The following IFIT5 variants were observed in gnomAD, a reference collection of about 807,000 sequenced individuals.
The protein encoded by IFIT5 is interferon induced protein with tetratricopeptide repeats 5.
In IFIT5, 2 loss-of-function variants were observed where a neutral mutation model predicts 5.0. The ratio of observed to expected loss-of-function variants is 0.40; its 90% confidence interval spans 0.16 to 1.26. IFIT5 has a LOEUF of 1.26. IFIT5 is among the 50% of genes most tolerant of loss of function. The pLI, the probability that IFIT5 is intolerant of heterozygous loss-of-function variation, is 0.33. For synonymous variants in IFIT5, 206 were observed against 204.6 expected (o/e 1.01, Z -0.06); for missense variants, 524 against 563.2 (o/e 0.93, Z 0.70).
intron 1 of IFIT5, among the ~76,000 whole-genome samples, chr10:89,415,913 T>C (rs1841531727): frequency 6.6e-6 from 1 of 152,244 alleles, no homozygotes; most frequent in African/African-American, 2.4e-5. Context: ...AAAGTTTAAG[T>C]GCCACCCACA....
chr10:89,418,617 C>T lies in IFIT5; in HGVS notation c.1418C>T (p.Thr473Ile), dbSNP rs1452911313. 1 of 1,613,550 alleles carries T rather than the reference C, an allele frequency of 6.2e-7. No homozygotes were observed. Among genetic ancestry groups the T allele is most frequent in the South Asian group, 1.1e-5 (1 of 91,048 alleles). Residue 473 changes from threonine to isoleucine, a missense_variant, in exon 2 of 2, where the codon ACT becomes ATT. Transcript: ENST00000371795. ...KIDPENAEFL[T>I]ALCELRLSI ...GATCCAGAAAATGCAGAATTCCTGA[C>T]TGCTCTCTGTGAGCTCCGACTTTCC...
rs762242435 is a variant in IFIT5 at position 89,417,598 on chromosome 10, C to T, written c.399C>T (p.Tyr133=). The part of the protein sequence containing the change: ...VCKKLSSPSN[Y]KLECPETDCE... ...AGAAATTGTCCAGTCCTTCTAACTA[C>T]AAGTTGGAGTGTCCTGAGACTGACT... is the stretch of plus-strand genomic sequence containing the variant. The change falls in exon 2 of 2, where the codon TAC becomes TAT. Residue 133 remains tyrosine, a synonymous_variant. Coordinates refer to ENST00000371795, the MANE Select transcript of IFIT5 (RefSeq NM_012420.3). The T allele has an allele frequency of 5.5e-5, 88 of 1,614,046 alleles. No homozygotes were observed. Among genetic ancestry groups the T allele is most frequent in the Admixed American group, 1.3e-4 (8 of 60,010 alleles).
rs1841571876 is a variant in IFIT5, at chr10:89,418,867, T to C, written c.*219T>C. 9.8e-6 allele frequency: 4 copies of C among 408,342 alleles called. No individual in the cohort carries two copies. The highest frequency in any genetic ancestry group is 1.7e-5 in the Non-Finnish European group (4 of 234,452). 25.3% of individuals were successfully genotyped at this position (408,342 alleles called of 1,614,324 possible). A position where few individuals can be genotyped will look rare whatever the true frequency, so the allele number is the denominator to read the frequency against. On this transcript the variant is annotated 3_prime_UTR_variant, in exon 2 of 2. Coordinates refer to ENST00000371795, the MANE Select transcript of IFIT5 (RefSeq NM_012420.3). Reference sequence around the variant, plus strand: ...TTTTTAATTAAAATACTATAATCCATTGAGAAATAGCAATATTCTAGCTAT... The same window carrying C: ...TTTTTAATTAAAATACTATAATCCACTGAGAAATAGCAATATTCTAGCTAT...
In IFIT5 at chr10:89,417,406, C is replaced by T. The variant is rs151205041; in HGVS notation, c.207C>T (p.Asp69=). 3.4e-4 allele frequency: 547 copies of T among 1,614,114 alleles called. 1 individual carries two copies. Among genetic ancestry groups the T allele is most frequent in the Middle Eastern group, 4.9e-4 (3 of 6,062 alleles). Residue 69 remains aspartate (D), a synonymous_variant, in exon 2 of 2, where the codon GAC becomes GAT. Coordinates refer to ENST00000371795, the MANE Select transcript of IFIT5 (RefSeq NM_012420.3). ...YVKHLKGQNK[D]ALECLEQAEE... Reference sequence around the variant, plus strand: ...AACACCTAAAAGGCCAAAATAAAGACGCCCTTGAGTGCTTGGAACAAGCAG... The same window carrying T: ...AACACCTAAAAGGCCAAAATAAAGATGCCCTTGAGTGCTTGGAACAAGCAG...
chr10:89,415,688 G>A (rs1367700072), intron 1 of IFIT5, among the ~76,000 whole-genome samples: 5 of 152,170 alleles, frequency 3.3e-5, no homozygotes, highest in Admixed American at 1.3e-4. Flanking sequence ...TCTAAAAGCA[G>A]ATAGTCCCTT....
rs1841565390 is a variant in IFIT5 at position 89,418,415 on chromosome 10, G to T, written c.1216G>T (p.Val406Phe). The change falls in exon 2 of 2, where the codon GTC (valine) becomes TTC (phenylalanine). Residue 406 changes from valine (V) to phenylalanine (F), a missense_variant. Val to Phe is a conservative substitution (Grantham distance 50). Transcript: ENST00000371795. ...CCATCATTATTTAGAAGCCTTAAAG[G>T]TCAAAGACAGATCACCCCTTCGCAC... ...AIHHYLEALK[V>F]KDRSPLRTKL... 2 of 1,614,158 alleles carry T rather than the reference G, an allele frequency of 1.2e-6. No individual in the cohort carries two copies. The highest frequency in any genetic ancestry group is 1.7e-6 in the Non-Finnish European group (2 of 1,180,020).
Position 89,418,345 on chromosome 10 carries a change from T to G in IFIT5, c.1146T>G (p.Tyr382Ter). 1 of 1,614,210 alleles carries G rather than the reference T, an allele frequency of 6.2e-7. No individual in the cohort carries two copies. Among genetic ancestry groups the G allele is most frequent in the Non-Finnish European group, 8.5e-7 (1 of 1,180,022 alleles). Residue 382 changes from tyrosine (Y) to a stop codon, truncating the protein, a stop_gained, in exon 2 of 2, where the codon TAT (tyrosine) becomes TAG (stop). Coordinates refer to ENST00000371795, the MANE Select transcript of IFIT5 (RefSeq NM_012420.3). LOFTEE classifies it low-confidence loss of function (END_TRUNC). ...ACAAACATCAGATCCATTACCACTATGGCCGCTTTCAGGAATTTCACCGTA... is the reference window on the plus strand; with the variant it reads ...ACAAACATCAGATCCATTACCACTAGGGCCGCTTTCAGGAATTTCACCGTA... ...DDHKHQIHYH[Y>*]GRFQEFHRKS...
Position 89,414,798 on chromosome 10 carries a change from C to T in IFIT5, c.-1C>T, listed in dbSNP as rs981330256. 2 of 1,609,818 alleles carry T rather than the reference C, an allele frequency of 1.2e-6. No individual in the cohort carries two copies. The highest frequency in any genetic ancestry group is 2.7e-5 in the African/African-American group (2 of 74,226). ...CGGACGGCCTGCAGAGCGCTGCCAT[C>T]ATGAGGTAAGGGTTTTCCTTTGCCT... On this transcript the variant is annotated 5_prime_UTR_variant, in exon 1 of 2. Coordinates refer to ENST00000371795, the MANE Select transcript of IFIT5 (RefSeq NM_012420.3).
Position 89,414,657 on chromosome 10 carries a change from G to C in IFIT5, c.-142G>C, listed in dbSNP as rs1030911160. On this transcript the variant is annotated 5_prime_UTR_variant, in exon 1 of 2. Transcript: ENST00000371795. ...CTCCTTTAACAAAGACACGCCGCGC[G>C]GCCGAGTCCAGGGGCTGCAGAGGCC... 3.6e-6 allele frequency: 3 copies of C among 837,226 alleles called. No individual in the cohort carries two copies. The highest frequency in any genetic ancestry group is 5.1e-6 in the Non-Finnish European group (3 of 583,406). 51.9% of individuals were successfully genotyped at this position (837,226 alleles called of 1,614,324 possible).
intron 1 of IFIT5, among the ~76,000 whole-genome samples, chr10:89,416,116 G>A (rs1228124572): frequency 6.6e-6 from 1 of 152,144 alleles, no homozygotes. Context: ...TAGAGACGCG[G>A]GTTTCACCAT....
chr10:89,417,166 T>C (rs777865963), intron 1 of IFIT5, 39 bp from the exon 2 acceptor site: 19 of 1,480,582 alleles, frequency 1.3e-5, no homozygotes, highest in Middle Eastern at 1.9e-4. Flanking sequence ...TTATTTCTTG[T>C]ATTTCTTCAA....
rs1467060856 is a variant in IFIT5 at position 89,418,718 on chromosome 10, A to G, written c.*70A>G. The G allele has an allele frequency of 7.4e-7, 1 of 1,355,732 alleles. No homozygotes were observed. The highest frequency in any genetic ancestry group is 1.5e-5 in the African/African-American group (1 of 65,504). The allele number at this position is 1,355,732 out of a possible 1,614,324, so 84.0% of individuals were successfully genotyped here. A position where few individuals can be genotyped will look rare whatever the true frequency, so the allele number is the denominator to read the frequency against. ...GGGTTCTCCTGTTTGTTTTTTTTTT[A>G]TTATTTTAATCCCTTGTTTATTATA... On this transcript the variant is annotated 3_prime_UTR_variant, in exon 2 of 2. Coordinates refer to ENST00000371795, the MANE Select transcript of IFIT5 (RefSeq NM_012420.3).
chr10:89,414,809 G>A lies in IFIT5; in HGVS notation c.5+6G>A, dbSNP rs12762146. On this transcript the variant is annotated splice_donor_region_variant and intron_variant, in intron 1 of 1. Coordinates refer to ENST00000371795, the MANE Select transcript of IFIT5 (RefSeq NM_012420.3). ...CAGAGCGCTGCCATCATGAGGTAAG[G>A]GTTTTCCTTTGCCTCTCCTCCCAAG... is the stretch of plus-strand genomic sequence containing the variant. 2.5e-6 allele frequency: 4 copies of A among 1,609,976 alleles called. No individual in the cohort carries two copies. In the South Asian group the frequency reaches 4.4e-5, roughly 18 times the overall value.
At chr10:89,415,558 T>C (rs558689775) in intron 1 of IFIT5, among the ~76,000 whole-genome samples, 2 of 152,350 alleles carry the variant, frequency 1.3e-5, no homozygotes, top group African/African-American at 4.8e-5. Context: ...ACTGATTTAG[T>C]ATGATGGCGT....
In IFIT5 at chr10:89,418,516, T is replaced by C; in HGVS notation, c.1317T>C (p.Ser439=). 1 of 1,614,164 alleles carries C rather than the reference T, an allele frequency of 6.2e-7. No individual in the cohort carries two copies. Among genetic ancestry groups the C allele is most frequent in the Non-Finnish European group, 8.5e-7 (1 of 1,180,014 alleles). ...CHNALDVQSL[S]ALGFVYKLEG... The stretch of plus-strand genomic sequence containing the variant: ...ATGCTTTAGATGTGCAGAGTTTAAG[T>C]GCCCTAGGGTTTGTTTACAAGCTGG... Residue 439 remains serine, a synonymous_variant, in exon 2 of 2, where the codon AGT becomes AGC. Transcript: ENST00000371795.
At chr10:89,414,867 CT>C in intron 1 of IFIT5, 64 bp downstream of exon 1, 1 of 1,584,920 alleles carries the variant, frequency 6.3e-7, no homozygotes, top group African/African-American at 1.4e-5. Context: ...AACCGGGCTG[CT>C]TTTATTCATT....
intron 1 of IFIT5, 49 bp from the exon 2 acceptor site, chr10:89,417,156 T>G: frequency 1.4e-6 from 2 of 1,439,706 alleles, no homozygotes; most frequent in Non-Finnish European, 1.9e-6. Flanking sequence ...GTTTAGAAAA[T>G]TATTTCTTGT....
rs1365963785 is a variant in IFIT5, at chr10:89,417,560, G to A, written c.361G>A (p.Gly121Arg). The A allele has an allele frequency of 1.9e-6, 3 of 1,614,100 alleles. No homozygotes were observed. Among genetic ancestry groups the A allele is most frequent in the Non-Finnish European group, 2.5e-6 (3 of 1,180,046 alleles). The change falls in exon 2 of 2, where the codon GGG becomes AGG. Residue 121 changes from glycine (G) to arginine (R), a missense_variant. Coordinates refer to ENST00000371795, the MANE Select transcript of IFIT5 (RefSeq NM_012420.3). Reference protein sequence around the residue: ...EEAQKYTGKIGNVCKKLSSPS... With the variant: ...EEAQKYTGKIRNVCKKLSSPS... ...AGCTCAGAAGTATACAGGTAAGATA[G>A]GGAATGTCTGTAAGAAATTGTCCAG...
chr10:89,414,851 G>A (rs1312004300), intron 1 of IFIT5, 48 bp downstream of exon 1: 1 of 1,600,134 alleles, frequency 6.2e-7, no homozygotes. Context: ...GTCGGCCTTG[G>A]TTTCAAACCG....
Sources: gnomAD v4.1 joint callset for allele counts (sites outside exome capture counted in the v4.1 genomes callset) on GRCh38, gnomAD v4.1.1 for gene constraint, MANE v1.5 for transcripts, NCBI Gene and HGNC (gene_info 2026-07-23, HGNC 2026-07-21) for gene names.